Variants in PCDHGA1 observed in about 807,000 individuals in gnomAD.
The protein encoded by PCDHGA1 is protocadherin gamma-A1.
In PCDHGA1, 32 loss-of-function variants were observed where a neutral mutation model predicts 58.0. That is an observed-to-expected ratio of 0.55 (90% confidence interval 0.42 to 0.74). The LOEUF (loss-of-function observed/expected upper bound fraction) is 0.74, where lower values mean the gene tolerates loss of function less well. PCDHGA1 is among the 30% of genes least tolerant of loss of function. The pLI is 0.00. For synonymous variants in PCDHGA1, 498 were observed against 501.1 expected (o/e 0.99, Z 0.08); for missense variants, 1,205 against 1,182.3 (o/e 1.02, Z -0.28).
intron 1 of PCDHGA1, among the ~76,000 whole-genome samples, chr5:141,438,340 G>A (rs1348587719): frequency 6.6e-6 from 1 of 151,522 alleles, no homozygotes; most frequent in Non-Finnish European, 1.5e-5. Flanking sequence ...TGTCATATAA[G>A]GATCTACTCT....
Position 141,511,502 on chromosome 5 carries a change from A to C in PCDHGA1, c.*329A>C. The C allele has an allele frequency of 2.0e-5, 8 of 395,260 alleles. No individual in the cohort carries two copies. The highest frequency in any genetic ancestry group is 4.1e-5 in the African/African-American group (2 of 48,892). The allele number at this position is 395,260 out of a possible 1,614,324, so 24.5% of individuals were successfully genotyped here. A position where few individuals can be genotyped will look rare whatever the true frequency, so the allele number is the denominator to read the frequency against. ...CTGAACTCCTCCATCTTCCAAATCA[A>C]TCAGGCCCATCCATCCCATGCCTCC... On this transcript the variant is annotated 3_prime_UTR_variant, in exon 4 of 4. Transcript: ENST00000517417.
At chr5:141,430,633 C>T in intron 1 of PCDHGA1, 1 of 868,018 alleles carries the variant, frequency 1.2e-6, no homozygotes, top group Non-Finnish European at 1.7e-6. Context: ...ATGAACCATC[C>T]CTGGGAGTAT....
intron 1 of PCDHGA1, chr5:141,371,022 C>T (rs758259761): frequency 1.2e-4 from 200 of 1,613,906 alleles, no homozygotes; most frequent in Non-Finnish European, 1.6e-4. Flanking sequence ...ACATCACCAC[C>T]TGGTCCTCAC....
intron 1 of PCDHGA1, chr5:141,398,947 A>G: frequency 1.2e-6 from 2 of 1,613,968 alleles, no homozygotes; most frequent in Admixed American, 1.7e-5. Context: ...CGAGGGCATC[A>G]ACTCAGAAAT....
At position 141,486,821 on chromosome 5, in the gene PCDHGA1, A is replaced by T. The variant is rs756652952; in HGVS notation, c.2422-7986A>T. On this transcript the variant is annotated intron_variant, in intron 1 of 3. Transcript: ENST00000517417. The surrounding 1 kb of genome is among the most constrained non-coding windows in gnomAD (Gnocchi z 5.0). ...CAACCCACCCCTTAGCAGCACTGTA[A>T]CAGTTCGTCTATTTGTGCTGGACCT... 36 of 1,614,116 alleles carry T rather than the reference A, an allele frequency of 2.2e-5. No individual in the cohort carries two copies. In the South Asian group the frequency reaches 3.4e-4, roughly 15 times the overall value.
chr5:141,471,044 CT>C (rs1432278092), intron 1 of PCDHGA1, among the ~76,000 whole-genome samples: 3 of 136,442 alleles, frequency 2.2e-5, no homozygotes. Flanking sequence ...AGCCCAAGCC[CT>C]CTTTTTTTTT....
chr5:141,332,028 C>G lies in PCDHGA1; in HGVS notation c.1344C>G (p.Asn448Lys). 1 of 1,614,170 alleles carries G rather than the reference C, an allele frequency of 6.2e-7. No individual in the cohort carries two copies. Residue 448 changes from asparagine (N) to lysine (K), a missense_variant, in exon 1 of 4, where the codon AAC (asparagine) becomes AAG (lysine). Asn to Lys is a moderately conservative substitution (Grantham distance 94). Coordinates refer to ENST00000517417, the MANE Select transcript of PCDHGA1 (RefSeq NM_018912.3). This position sits in a 1 kb window ranked among gnomAD's most constrained non-coding sequence, Gnocchi z 4.6. ...TACTAGTGACAGATATCAATGACAA[C>G]TCCCCAGTCTTCCATCAGGACTCCT... ...ISLLVTDIND[N>K]SPVFHQDSYS...
At chr5:141,404,224 AAC>A (rs1416261372) in intron 1 of PCDHGA1, 1 of 1,613,704 alleles carries the variant, frequency 6.2e-7, no homozygotes, top group Non-Finnish European at 8.5e-7. Flanking sequence ...CGGTGACTGC[AAC>A]AGACAGAGGA....
At chr5:141,418,692 C>T in intron 1 of PCDHGA1, 5 of 1,614,032 alleles carry the variant, frequency 3.1e-6, no homozygotes, top group Non-Finnish European at 4.2e-6. Flanking sequence ...TCAGAGATCA[C>T]TTATTCCTTC....
chr5:141,415,740 G>GTTTTTTTTTTTTTTTTTTTGTTT, intron 1 of PCDHGA1: 1 of 617,992 alleles, frequency 1.6e-6, no homozygotes, highest in Non-Finnish European at 2.1e-6. Flanking sequence ...GTTTATTAAG[G>GTTTTTTTTTTTTTTTTTTTGTTT]TTTTTTTTTT....
chr5:141,371,611 C>G (rs561217101), intron 1 of PCDHGA1: 1 of 1,613,996 alleles, frequency 6.2e-7, no homozygotes, highest in Non-Finnish European at 8.5e-7. Context: ...AGGTTGGTGA[C>G]AGATGGAGCC....
rs2099391466 is a variant in PCDHGA1, at chr5:141,476,424, C to T, written c.2422-18383C>T. ...GAGGAGCTGTGTGGGACACTGCCCT[C>T]TTGCACTGTAACTCTGGAGTTGGTA... is the stretch of plus-strand genomic sequence containing the variant. On this transcript the variant is annotated intron_variant, in intron 1 of 3. Coordinates refer to ENST00000517417, the MANE Select transcript of PCDHGA1 (RefSeq NM_018912.3). This position sits in a 1 kb window ranked among gnomAD's most constrained non-coding sequence, Gnocchi z 7.6. 1 of 1,613,978 alleles carries T rather than the reference C, an allele frequency of 6.2e-7. No individual in the cohort carries two copies. The highest frequency in any genetic ancestry group is 1.1e-5 in the South Asian group (1 of 91,076).
rs112808093 is a variant in PCDHGA1, at chr5:141,489,579, C to T, written c.2422-5228C>T. On this transcript the variant is annotated intron_variant, in intron 1 of 3. Transcript: ENST00000517417. The surrounding 1 kb of genome is among the most constrained non-coding windows in gnomAD (Gnocchi z 4.5). ...CAGTGCAGGTGGTGACTGAACACCC[C>T]CTGGAGCTAATCCGTGTAGAGGTAG... is the stretch of plus-strand genomic sequence containing the variant. 211 of 1,614,038 alleles carry T rather than the reference C, an allele frequency of 1.3e-4. 1 individual carries two copies. In the African/African-American group the frequency reaches 1.7e-3, roughly 13 times the overall value.
At chr5:141,405,385 A>G in intron 1 of PCDHGA1, 1 of 1,600,058 alleles carries the variant, frequency 6.2e-7, no homozygotes, top group Non-Finnish European at 8.5e-7. Flanking sequence ...CGGTGAGTTC[A>G]TTTTTTTTCT....
chr5:141,369,855 C>T (rs904166115), intron 1 of PCDHGA1, among the ~76,000 whole-genome samples: 4 of 152,098 alleles, frequency 2.6e-5, no homozygotes, highest in African/African-American at 7.2e-5. Context: ...TTTTATTTGG[C>T]CCTCATTTCT....
chr5:141,375,834 C>G lies in PCDHGA1; in HGVS notation c.2421+42729C>G, dbSNP rs1167436208. On this transcript the variant is annotated intron_variant, in intron 1 of 3. Transcript: ENST00000517417. ...GAGCTGGCGCCCCGCTCCGCAGAGC[C>G]CGGCTACCTGGTGACCAAGGTGGTG... is the stretch of plus-strand genomic sequence containing the variant. The G allele has an allele frequency of 2.1e-5, 34 of 1,614,138 alleles. No individual in the cohort carries two copies. The highest frequency in any genetic ancestry group is 2.7e-5 in the African/African-American group (2 of 75,080).
At position 141,485,286 on chromosome 5, in the gene PCDHGA1, A is replaced by G; in HGVS notation, c.2422-9521A>G. The G allele has an allele frequency of 2.5e-6, 4 of 1,614,044 alleles. No individual in the cohort carries two copies. On this transcript the variant is annotated intron_variant, in intron 1 of 3. Transcript: ENST00000517417. This position sits in a 1 kb window ranked among gnomAD's most constrained non-coding sequence, Gnocchi z 5.7. ...CAGATCCGCTACCCGGTCCCAGAGG[A>G]GTCACAGGAAGGGACTTTTGTAGGG...
intron 1 of PCDHGA1, chr5:141,410,442 C>T (rs1444532577): frequency 6.2e-7 from 1 of 1,613,942 alleles, no homozygotes; most frequent in East Asian, 2.2e-5. Context: ...AGTGAGGGGA[C>T]TTTGCCTTAT....
chr5:141,502,282 C>A (rs187281689), intron 2 of PCDHGA1, among the ~76,000 whole-genome samples: 1 of 151,848 alleles, frequency 6.6e-6, no homozygotes, highest in Non-Finnish European at 1.5e-5. Flanking sequence ...GCATAGATTG[C>A]ATTTGGTTGT....
Sources: gnomAD v4.1 joint callset for allele counts (sites outside exome capture counted in the v4.1 genomes callset) on GRCh38, gnomAD v4.1.1 for gene constraint, Gnocchi (gnomAD v3.1) non-coding constraint, MANE v1.5 for transcripts, NCBI Gene and HGNC (gene_info 2026-07-23, HGNC 2026-07-21) for gene names.